The following CDH11 variants were observed in gnomAD, a reference collection of about 807,000 sequenced individuals.
The protein encoded by CDH11 is cadherin 11, also known as cadherin-11.
CDH11 carries 11 observed loss-of-function variants against 67.8 expected under a neutral mutation model. That is an observed-to-expected ratio of 0.16 (90% CI 0.10 to 0.27). The LOEUF (loss-of-function observed/expected upper bound fraction) is 0.27. Among genes scored for constraint, CDH11 ranks in the 10% least tolerant of loss-of-function variants. The pLI is 1.00. For missense variants in CDH11, 847 were observed against 1,031.2 expected (o/e 0.82, Z 2.45); for synonymous variants, 419 against 400.0 (o/e 1.05, Z -0.57).
rs757618086 is a variant in CDH11 at position 64,947,530 on chromosome 16, A to T, written c.*73T>A. On this transcript the variant is annotated 3_prime_UTR_variant, in exon 13 of 13. Transcript: ENST00000268603. The stretch of plus-strand genomic sequence containing the variant: ...GAGCCTTTCCTTGATTTAAAAAAAT[A>T]CCTGTTTACACATCTTCTAGATTCT... The T allele has an allele frequency of 1.5e-5, 23 of 1,520,648 alleles. No individual in the cohort carries two copies. Among genetic ancestry groups the T allele is most frequent in the Non-Finnish European group, 1.9e-5 (22 of 1,137,614 alleles). The allele number at this position is 1,520,648 out of a possible 1,614,324, so 94.2% of individuals were successfully genotyped here. A position where few individuals can be genotyped will look rare whatever the true frequency, so the allele number is the denominator to read the frequency against.
intron 1 of CDH11, among the ~76,000 whole-genome samples, chr16:65,113,424 T>C (rs2075193657): frequency 6.6e-6 from 1 of 152,224 alleles, no homozygotes; most frequent in African/African-American, 2.4e-5. Flanking sequence ...TCTGGGTTCC[T>C]GAACCCTCAT....
chr16:65,097,044 T>C (rs1328037287), intron 1 of CDH11, among the ~76,000 whole-genome samples: 3 of 152,176 alleles, frequency 2.0e-5, no homozygotes, highest in Non-Finnish European at 4.4e-5. Flanking sequence ...CAGAAGACTA[T>C]GTGGATAATA....
At chr16:65,007,767 G>A (rs1392543505) in intron 2 of CDH11, among the ~76,000 whole-genome samples, 1 of 152,198 alleles carries the variant, frequency 6.6e-6, no homozygotes, top group Non-Finnish European at 1.5e-5. Flanking sequence ...CATTTCTTCT[G>A]ATTCATACCT....
In CDH11 at chr16:64,991,589, G is replaced by A. The variant is rs187063436; in HGVS notation, c.811+179C>T. 18 of 519,102 alleles carry A rather than the reference G, an allele frequency of 3.5e-5. No individual in the cohort carries two copies. In the East Asian group the frequency reaches 3.7e-4, roughly 11 times the overall value. The allele number at this position is 519,102 out of a possible 1,614,324, so 32.2% of individuals were successfully genotyped here. A position where few individuals can be genotyped will look rare whatever the true frequency, so the allele number is the denominator to read the frequency against. ...CATTCTCCTACTACCTCTACTCCCC[G>A]ACATTGTTGTTGTTGTTGTTGTCTT... On this transcript the variant is annotated intron_variant, in intron 6 of 12. Transcript: ENST00000268603.
rs377489226 is a variant in CDH11 at position 64,979,403 on chromosome 16, T to C, written c.1253+2645A>G. Among the ~76,000 whole-genome samples, 251 of 152,126 alleles carry C rather than the reference T, an allele frequency of 1.6e-3. 2 individuals carry two copies. The highest frequency in any genetic ancestry group is 5.6e-3 in the African/African-American group (230 of 41,420). On this transcript the variant is annotated intron_variant, in intron 8 of 12. Coordinates refer to ENST00000268603, the MANE Select transcript of CDH11 (RefSeq NM_001797.4). ...CATAGGTTGGAGTGAGCTGAGATCG[T>C]GCCACTGCACTCCAGCCTGGGCGAC...
chr16:64,956,187 C>G (rs920145474), intron 11 of CDH11, among the ~76,000 whole-genome samples: 1 of 152,258 alleles, frequency 6.6e-6, no homozygotes, highest in Middle Eastern at 3.4e-3. Flanking sequence ...ATATTAATTG[C>G]CTGACTTTAA....
intron 2 of CDH11, among the ~76,000 whole-genome samples, chr16:65,023,302 C>T (rs1244309411): frequency 1.3e-5 from 2 of 152,156 alleles, no homozygotes; most frequent in African/African-American, 4.8e-5. Context: ...TGAATCTGGA[C>T]AAAGGGAGAC....
rs946153463 is a variant in CDH11 at position 64,972,010 on chromosome 16, T to C, written c.1445A>G (p.Asn482Ser). 1 of 1,613,796 alleles carries C rather than the reference T, an allele frequency of 6.2e-7. No individual in the cohort carries two copies. Among genetic ancestry groups the C allele is most frequent in the Non-Finnish European group, 8.5e-7 (1 of 1,179,728 alleles). Residue 482 changes from asparagine (N) to serine (S), a missense_variant, in exon 10 of 13, where the codon AAC becomes AGC. Asn to Ser is a conservative substitution (Grantham distance 46, BLOSUM62 1). Coordinates refer to ENST00000268603, the MANE Select transcript of CDH11 (RefSeq NM_001797.4). Reference protein sequence around the residue: ...VPVAIRVLDVNDNAPKFAAPY... With the variant: ...VPVAIRVLDVSDNAPKFAAPY... ...GGCAGCAAACTTGGGAGCATTATCG[T>C]TGACATCAAGGACCCTAATGGCCAC... is the stretch of plus-strand genomic sequence containing the variant.
At chr16:64,964,434 G>C (rs931437108) in intron 11 of CDH11, among the ~76,000 whole-genome samples, 5 of 152,168 alleles carry the variant, frequency 3.3e-5, no homozygotes, top group Non-Finnish European at 2.9e-5. Flanking sequence ...TGCCTGTATA[G>C]GGTACTTAGC....
At chr16:65,118,627 A>T (rs970554768) in intron 1 of CDH11, among the ~76,000 whole-genome samples, 29 of 152,314 alleles carry the variant, frequency 1.9e-4, no homozygotes, top group African/African-American at 6.7e-4. Flanking sequence ...AATCATCCCA[A>T]ACACATTTCA....
At chr16:64,960,335 T>C (rs534440608) in intron 11 of CDH11, among the ~76,000 whole-genome samples, 1 of 152,314 alleles carries the variant, frequency 6.6e-6, no homozygotes, top group African/African-American at 2.4e-5. Flanking sequence ...TTATATGTTA[T>C]GAAGTGTTTT....
chr16:65,005,775 C>T (rs190930291), intron 2 of CDH11, among the ~76,000 whole-genome samples: 108 of 152,264 alleles, frequency 7.1e-4, no homozygotes, highest in African/African-American at 2.5e-3. Context: ...CCTTGCTTAG[C>T]CTGGAAGTCT....
chr16:64,984,815 T>C (rs2072444915), intron 7 of CDH11: 2 of 152,218 alleles, frequency 1.3e-5, no homozygotes, highest in African/African-American at 4.8e-5. Flanking sequence ...TGATGTGACA[T>C]TAAGTTAACA....
chr16:65,074,633 T>A lies in CDH11; in HGVS notation c.-297-20705A>T, dbSNP rs573745089. On this transcript the variant is annotated intron_variant, in intron 1 of 12. Coordinates refer to ENST00000268603, the MANE Select transcript of CDH11 (RefSeq NM_001797.4). ...TACCCTTGTGTGTAATTTTCCCTAT[T>A]TCCAAGCCCATATCTTCCCCCAGAA... Among the ~76,000 whole-genome samples the A allele has an allele frequency of 2.6e-5, 4 of 152,220 alleles. No individual in the cohort carries two copies. In the South Asian group the frequency reaches 8.3e-4, roughly 32 times the overall value.
intron 2 of CDH11, among the ~76,000 whole-genome samples, chr16:65,045,763 T>TAA (rs1162818870): frequency 3.9e-5 from 6 of 152,200 alleles, no homozygotes; most frequent in African/African-American, 1.4e-4. Flanking sequence ...GGCCAAGAAG[T>TAA]AATTCCTTGG....
intron 1 of CDH11, among the ~76,000 whole-genome samples, chr16:65,109,147 GA>G (rs34933705): frequency 2.0e-5 from 3 of 149,966 alleles, no homozygotes; most frequent in Non-Finnish European, 3.0e-5. Flanking sequence ...ACTCTGTTTC[GA>G]AAAAAAAAGA....
intron 1 of CDH11, among the ~76,000 whole-genome samples, chr16:65,101,422 C>T (rs1378625841): frequency 6.6e-6 from 1 of 152,218 alleles, no homozygotes; most frequent in African/African-American, 2.4e-5. Flanking sequence ...ACTCCCAGGA[C>T]AATTGTGGGG....
chr16:64,998,661 G>A lies in CDH11; in HGVS notation c.424C>T (p.Pro142Ser), dbSNP rs2072837853. The A allele has an allele frequency of 9.3e-6, 15 of 1,614,096 alleles. No homozygotes were observed. Among genetic ancestry groups the A allele is most frequent in the Non-Finnish European group, 1.3e-5 (15 of 1,180,030 alleles). The change falls in exon 4 of 13, where the codon CCG becomes TCG. Residue 142 changes from proline to serine, a missense_variant. Pro to Ser is a moderately conservative substitution (Grantham distance 74). Around this residue, in one of 2 missense-constraint regions of CDH11, gnomAD observed 235 missense variants for 352.5 expected, o/e 0.67. Coordinates refer to ENST00000268603, the MANE Select transcript of CDH11 (RefSeq NM_001797.4). The part of the protein sequence containing the change: ...DRDTNRPLEP[P>S]SEFIVKVQDI... ...TGGACCTTGACAATGAATTCCGACG[G>A]TGGCTCCAGTGGCCGATTGGTGTCC...
rs12597529 is a variant in CDH11, at chr16:64,971,559, G to A, written c.1642+20C>T. 699,102 of 1,435,566 alleles carry A rather than the reference G, an allele frequency of 0.49. 176,951 individuals are homozygous for A. The highest frequency in any genetic ancestry group is 0.79 in the East Asian group (34,727 of 44,004). 88.9% of individuals were successfully genotyped at this position (1,435,566 alleles called of 1,614,324 possible). ...TTTCCAGTTCTACTTCTCTGAATGC[G>A]TAGGAACCTTAGTACAAACCTCGGT... On this transcript the variant is annotated intron_variant, in intron 11 of 12. Coordinates refer to ENST00000268603, the MANE Select transcript of CDH11 (RefSeq NM_001797.4).
Sources: gnomAD v4.1 joint callset for allele counts (sites outside exome capture counted in the v4.1 genomes callset) on GRCh38, gnomAD v4.1.1 for gene constraint, gnomAD v4.1.1 regional missense constraint, MANE v1.5 for transcripts, NCBI Gene and HGNC (gene_info 2026-07-23, HGNC 2026-07-21) for gene names.